PAMR1: variants seen among roughly 807,000 people sequenced by gnomAD.
PAMR1 encodes peptidase domain containing associated with muscle regeneration 1, also known as inactive serine protease PAMR1.
In PAMR1, 88 loss-of-function variants were observed where a neutral mutation model predicts 81.8. The observed-to-expected ratio is 1.08, with a 90% confidence interval of 0.91 to 1.28. The LOEUF (loss-of-function observed/expected upper bound fraction) is 1.28, where lower values mean the gene tolerates loss of function less well. Ranked by LOEUF, PAMR1 falls within the 50% of genes most tolerant of loss-of-function variation. PAMR1 has a pLI of 0.00. For synonymous variants in PAMR1, 336 were observed against 345.3 expected, an observed-to-expected ratio of 0.97 and a Z score of 0.30; for missense variants, 935 against 919.7, an observed-to-expected ratio of 1.02 and a Z score of -0.21.
At chr11:35,463,273 C>A (rs1020526653) in intron 6 of PAMR1, among the ~76,000 whole-genome samples, 21 of 152,218 alleles carry the variant, frequency 1.4e-4, no homozygotes, top group African/African-American at 5.1e-4. Context: ...GACTCCAAAA[C>A]CCAAATGAAT....
intron 4 of PAMR1, among the ~76,000 whole-genome samples, chr11:35,472,453 G>A (rs934955453): frequency 3.3e-5 from 5 of 152,182 alleles, no homozygotes; most frequent in Admixed American, 1.3e-4. Context: ...GGCACGTGCC[G>A]GCCCTCATGG....
At chr11:35,463,501 TCAAAACAAGATTCTGACCA>T (rs1486000070) in intron 6 of PAMR1, among the ~76,000 whole-genome samples, 3 of 152,184 alleles carry the variant, frequency 2.0e-5, no homozygotes, top group Non-Finnish European at 4.4e-5. Context: ...CTCCACTTTT[TCAAAACAAGATTCTGACCA>T]TTTACTCGAG....
Position 35,455,607 on chromosome 11 carries a change from C to T in PAMR1, c.820+12394G>A, listed in dbSNP as rs558317515. Among the ~76,000 whole-genome samples the T allele has an allele frequency of 3.3e-3, 508 of 152,262 alleles. 1 individual carries two copies. The highest frequency in any genetic ancestry group is 0.012 in the African/African-American group (490 of 41,556). On this transcript the variant is annotated intron_variant, in intron 6 of 10. Transcript: ENST00000619888. ...AGTTGGAGATGAGAGCTACAAAAAGCCCCTAGAAGCCAAAGAGTTCAAGCA... is the reference window on the plus strand; with the variant it reads ...AGTTGGAGATGAGAGCTACAAAAAGTCCCTAGAAGCCAAAGAGTTCAAGCA...
intron 5 of PAMR1, among the ~76,000 whole-genome samples, 156 bp downstream of exon 5, chr11:35,470,445 C>T (rs1228526365): frequency 6.6e-6 from 1 of 152,174 alleles, no homozygotes; most frequent in African/African-American, 2.4e-5. Context: ...CTGAAATATA[C>T]CTTGCTATTT....
chr11:35,478,228 C>A (rs964600743), intron 3 of PAMR1, among the ~76,000 whole-genome samples: 1 of 152,164 alleles, frequency 6.6e-6, no homozygotes, highest in Admixed American at 6.5e-5. Flanking sequence ...CTTGGCACAT[C>A]CATTTGGGCT....
At chr11:35,452,673 A>G (rs1856442158) in intron 6 of PAMR1, among the ~76,000 whole-genome samples, 1 of 152,102 alleles carries the variant, frequency 6.6e-6, no homozygotes, top group Non-Finnish European at 1.5e-5. Context: ...TGACTGTAAA[A>G]TTTTGTTATT....
chr11:35,507,926 G>A (rs1850999834), intron 1 of PAMR1, among the ~76,000 whole-genome samples: 1 of 152,002 alleles, frequency 6.6e-6, no homozygotes, highest in Non-Finnish European at 1.5e-5. Flanking sequence ...ATTCCCAAAA[G>A]GAATATCCCA....
chr11:35,451,697 T>C (rs1042174331), intron 6 of PAMR1, among the ~76,000 whole-genome samples: 2 of 152,140 alleles, frequency 1.3e-5, no homozygotes, highest in African/African-American at 4.8e-5. Context: ...CCAATATTCA[T>C]ATATTGAAAT....
chr11:35,476,146 A>T (rs1399960325), intron 3 of PAMR1, among the ~76,000 whole-genome samples: 3 of 152,118 alleles, frequency 2.0e-5, no homozygotes, highest in Non-Finnish European at 4.4e-5. Flanking sequence ...CTATCTCTTC[A>T]CTAAGATCTT....
chr11:35,508,286 T>A (rs1851009739), intron 1 of PAMR1, among the ~76,000 whole-genome samples: 1 of 152,194 alleles, frequency 6.6e-6, no homozygotes, highest in Admixed American at 6.5e-5. Flanking sequence ...ACATGCTTTG[T>A]GTTGGGAAGA....
intron 1 of PAMR1, among the ~76,000 whole-genome samples, chr11:35,507,695 T>C (rs1291540562): frequency 2.6e-5 from 4 of 152,208 alleles, no homozygotes; most frequent in African/African-American, 9.6e-5. Flanking sequence ...ATCTTTGTTT[T>C]TGCATTGAAG....
intron 6 of PAMR1, among the ~76,000 whole-genome samples, chr11:35,447,402 C>T (rs965328124): frequency 7.9e-5 from 12 of 152,050 alleles, no homozygotes; most frequent in South Asian, 2.1e-4. Context: ...GACAGGGTTT[C>T]GCCATGTTAG....
chr11:35,468,214 A>C, intron 5 of PAMR1, 106 bp from the exon 6 acceptor site: 2 of 647,612 alleles, frequency 3.1e-6, no homozygotes, highest in Non-Finnish European at 5.4e-6. Flanking sequence ...GTCTTCTTGC[A>C]ATGTTTTTTC....
chr11:35,467,526 G>A (rs970899032), intron 6 of PAMR1, among the ~76,000 whole-genome samples: 5 of 152,166 alleles, frequency 3.3e-5, no homozygotes, highest in Non-Finnish European at 7.3e-5. Context: ...CTTTGCTCAC[G>A]AAAGAGGATG....
At chr11:35,523,350 A>G (rs1851320272) in intron 1 of PAMR1, among the ~76,000 whole-genome samples, 1 of 152,226 alleles carries the variant, frequency 6.6e-6, no homozygotes, top group African/African-American at 2.4e-5. Context: ...GAAGTTCTCC[A>G]GATTAAGTTT....
intron 1 of PAMR1, among the ~76,000 whole-genome samples, chr11:35,524,580 G>A (rs1851349752): frequency 1.3e-5 from 2 of 152,152 alleles, no homozygotes; most frequent in African/African-American, 2.4e-5. Context: ...AGCAGCGAAG[G>A]CTCGTACATA....
chr11:35,459,479 G>C lies in PAMR1; in HGVS notation c.820+8522C>G, dbSNP rs569835590. Among the ~76,000 whole-genome samples, 5 of 152,264 alleles carry C rather than the reference G, an allele frequency of 3.3e-5. No individual in the cohort carries two copies. The East Asian group carries it at 5.8e-4, about 18-fold the overall frequency. On this transcript the variant is annotated intron_variant, in intron 6 of 10. Coordinates refer to ENST00000619888, the MANE Select transcript of PAMR1 (RefSeq NM_001001991.3). ...AGAAGATTTCTGCTTCAGCTCCTTG[G>C]GGGTGGGTGATAACTCTAAACTACT...
At chr11:35,436,845 G>A (rs1856058449) in intron 8 of PAMR1, among the ~76,000 whole-genome samples, 1 of 152,084 alleles carries the variant, frequency 6.6e-6, no homozygotes, top group African/African-American at 2.4e-5. Context: ...CATTATACAT[G>A]CACACACAAA....
chr11:35,506,871 A>T (rs678399), intron 1 of PAMR1, among the ~76,000 whole-genome samples: 66,666 of 146,508 alleles, frequency 0.46, 15,261 homozygotes, highest in East Asian at 0.69. Context: ...AAAGTTTTTT[A>T]GTTCTTTTTT....
Sources: gnomAD v4.1 joint callset for allele counts (sites outside exome capture counted in the v4.1 genomes callset) on GRCh38, gnomAD v4.1.1 for gene constraint, MANE v1.5 for transcripts, NCBI Gene and HGNC (gene_info 2026-07-23, HGNC 2026-07-21) for gene names.